COL18A1: variants seen among roughly 807,000 people sequenced by gnomAD.
The protein encoded by COL18A1 is collagen alpha-1(XVIII) chain.
COL18A1 carries 133 observed loss-of-function variants against 168.0 expected under a neutral mutation model. The ratio of observed to expected loss-of-function variants is 0.79; its 90% confidence interval spans 0.69 to 0.91. COL18A1 has a LOEUF of 0.91. Ranked by LOEUF, COL18A1 falls within the 40% of genes least tolerant of loss-of-function variation. The pLI, the probability that COL18A1 is intolerant of heterozygous loss-of-function variation, is 0.00. For missense variants in COL18A1, 2,126 were observed against 1,925.4 expected, an observed-to-expected ratio of 1.10 and a Z score of -1.95; for synonymous variants, 949 against 809.0, an observed-to-expected ratio of 1.17 and a Z score of -2.94.
At chr21:45,511,540 C>T (rs1358057305) in intron 41 of COL18A1, among the ~76,000 whole-genome samples, 1 of 152,066 alleles carries the variant, frequency 6.6e-6, no homozygotes, top group Non-Finnish European at 1.5e-5. Context: ...AGCAGCGCAG[C>T]GAGTTTATTC....
At position 45,490,784 on chromosome 21, in the gene COL18A1, CA is replaced by C. The variant is rs572995660; in HGVS notation, c.2032-51del. 1,863 of 1,534,970 alleles carry C rather than the reference CA, an allele frequency of 1.2e-3. 30 individuals carry two copies. The South Asian group carries it at 0.021, about 17-fold the overall frequency. ...ATCAGAGCCATCCCTCACGGGGGGC[CA>C]GGGGCTCCTGTTTCTGTTGGTGATG... On this transcript the variant is annotated intron_variant, in intron 20 of 41. Transcript: ENST00000651438.
intron 2 of COL18A1, chr21:45,456,751 C>T: frequency 6.5e-7 from 1 of 1,539,538 alleles, no homozygotes; most frequent in Non-Finnish European, 8.7e-7. Context: ...CCCCGCCACC[C>T]TGCTGCCAGT....
rs376055144 is a variant in COL18A1, at chr21:45,505,972, C to T, written c.3216+6C>T. 265 of 1,613,050 alleles carry T rather than the reference C, an allele frequency of 1.6e-4. No homozygotes were observed. The highest frequency in any genetic ancestry group is 1.9e-4 in the Non-Finnish European group (224 of 1,179,926). On this transcript the variant is annotated splice_donor_region_variant and intron_variant, in intron 37 of 41. Transcript: ENST00000651438. ...ACGGGTTCCGGAAGGTCCAGGTGAGCGCTCTGTGTGACGGGTTCTGGACCC... is the reference window on the plus strand; with the variant it reads ...ACGGGTTCCGGAAGGTCCAGGTGAGTGCTCTGTGTGACGGGTTCTGGACCC...
chr21:45,429,240 TGA>T (rs1034641632), intron 2 of COL18A1, among the ~76,000 whole-genome samples: 3 of 152,126 alleles, frequency 2.0e-5, no homozygotes, highest in Admixed American at 1.3e-4. Context: ...TGGAGGGATC[TGA>T]GAGTCTCTTT....
chr21:45,508,366 A>T (rs1384662347), intron 38 of COL18A1, among the ~76,000 whole-genome samples: 4 of 144,522 alleles, frequency 2.8e-5, no homozygotes, highest in Non-Finnish European at 4.5e-5. Context: ...GGGTGAGTGG[A>T]TGGGTGGATG....
intron 16 of COL18A1, among the ~76,000 whole-genome samples, 166 bp downstream of exon 16, chr21:45,487,158 T>C (rs1320061129): frequency 6.6e-6 from 1 of 152,184 alleles, no homozygotes. Context: ...CTCGAGTCTC[T>C]CGCCCGTCGC....
In COL18A1 at chr21:45,510,116, G is replaced by A. The variant is rs770331440; in HGVS notation, c.3548G>A (p.Arg1183His). The part of the protein sequence containing the change: ...SPLSGGMRGI[R>H]GADFQCFQQA... ...CTGTCAGGCGGCATGCGGGGCATCC[G>A]CGGGGCCGACTTCCAGTGCTTCCAG... Residue 1183 changes from arginine to histidine, a missense_variant, in exon 40 of 42, where the codon CGC becomes CAC. Physicochemically the swap from Arg to His is conservative, Grantham distance 29. Coordinates refer to ENST00000651438, the MANE Select transcript of COL18A1 (RefSeq NM_001379500.1). 24 of 1,596,768 alleles carry A rather than the reference G, an allele frequency of 1.5e-5. No individual in the cohort carries two copies. The highest frequency in any genetic ancestry group is 3.4e-5 in the Admixed American group (2 of 58,576).
Position 45,455,381 on chromosome 21 carries a change from C to A in COL18A1, c.107-12861C>A. On this transcript the variant is annotated intron_variant, in intron 2 of 41. Coordinates refer to ENST00000651438, the MANE Select transcript of COL18A1 (RefSeq NM_001379500.1). ...ACCTTGATTCCAAGGCTGGTGCCTT[C>A]TTTCCTTCTGCAAGAGTGGGGGGTG... The A allele has an allele frequency of 3.5e-6, 4 of 1,133,360 alleles. No homozygotes were observed. In the South Asian group the frequency reaches 4.2e-5, roughly 12 times the overall value. 70.2% of individuals were successfully genotyped at this position (1,133,360 alleles called of 1,614,324 possible). A position where few individuals can be genotyped will look rare whatever the true frequency, so the allele number is the denominator to read the frequency against.
intron 2 of COL18A1, among the ~76,000 whole-genome samples, chr21:45,451,531 C>G (rs2034622275): frequency 6.6e-6 from 1 of 152,238 alleles, no homozygotes. Context: ...TCCCCAGCTC[C>G]TCGCTGGCCT....
At chr21:45,445,142 C>T (rs1161650550) in intron 2 of COL18A1, among the ~76,000 whole-genome samples, 1 of 152,242 alleles carries the variant, frequency 6.6e-6, no homozygotes, top group Admixed American at 6.5e-5. Flanking sequence ...CCAGTCCTGG[C>T]CACCGGTCAT....
chr21:45,492,635 C>A, intron 23 of COL18A1, 52 bp from the exon 24 acceptor site: 3 of 1,610,548 alleles, frequency 1.9e-6, no homozygotes, highest in Non-Finnish European at 2.5e-6. Flanking sequence ...GGGGTCCGGG[C>A]AGGCGCGAGG....
Position 45,438,229 on chromosome 21 carries a change from GAC to G in COL18A1, c.107-30007_107-30006del, listed in dbSNP as rs1254133744. 5.1e-3 allele frequency among the ~76,000 whole-genome samples: 205 copies of G among 39,950 alleles called. 5 individuals are homozygous for G. Among genetic ancestry groups the G allele is most frequent in the Non-Finnish European group, 7.1e-3 (152 of 21,388 alleles). The allele number at this position is 39,950 out of a possible 152,430, so 26.2% of individuals were successfully genotyped here. A position where few individuals can be genotyped will look rare whatever the true frequency, so the allele number is the denominator to read the frequency against. On this transcript the variant is annotated intron_variant, in intron 2 of 41. Coordinates refer to ENST00000651438, the MANE Select transcript of COL18A1 (RefSeq NM_001379500.1). ...CTGCACACACACACTCACACACTCA[GAC>G]ACACAGGCACTCTCCTGCACACACA...
rs2035533614 is a variant in COL18A1, at chr21:45,473,808, C to A, written c.652-87C>A. On this transcript the variant is annotated intron_variant, in intron 3 of 41. Coordinates refer to ENST00000651438, the MANE Select transcript of COL18A1 (RefSeq NM_001379500.1). The surrounding 1 kb of genome is among the most constrained non-coding windows in gnomAD (Gnocchi z 4.0). ...CCGAGACTCTCCTGCCCTTTGTGGG[C>A]CCCCCGAAATCTGGAGCTCAAGCAG... 9.9e-6 allele frequency: 11 copies of A among 1,116,428 alleles called. No individual in the cohort carries two copies. Among genetic ancestry groups the A allele is most frequent in the Non-Finnish European group, 1.2e-5 (9 of 757,134 alleles). 69.2% of individuals were successfully genotyped at this position (1,116,428 alleles called of 1,614,324 possible).
rs2036642640 is a variant in COL18A1 at position 45,498,960 on chromosome 21, T to C, written c.2683+1299T>C. The stretch of plus-strand genomic sequence containing the variant: ...AGGTTTTGGTCGACGTGGGATTGCT[T>C]GTCCCTGGGAGCCAGAACGAGGGCT... On this transcript the variant is annotated intron_variant, in intron 32 of 41. Transcript: ENST00000651438. This position sits in a 1 kb window ranked among gnomAD's most constrained non-coding sequence, Gnocchi z 4.5. Among the ~76,000 whole-genome samples the C allele has an allele frequency of 6.6e-6, 1 of 152,162 alleles. No individual in the cohort carries two copies. Among genetic ancestry groups the C allele is most frequent in the Non-Finnish European group, 1.5e-5 (1 of 68,026 alleles).
intron 41 of COL18A1, among the ~76,000 whole-genome samples, chr21:45,511,479 G>A (rs1277323244): frequency 3.3e-5 from 5 of 152,244 alleles, no homozygotes; most frequent in South Asian, 4.1e-4. Context: ...TGCTCATGGC[G>A]GATAGACTCC....
chr21:45,455,400 G>C (rs1161448710), intron 2 of COL18A1: 6 of 1,296,442 alleles, frequency 4.6e-6, no homozygotes, highest in African/African-American at 2.9e-5. Flanking sequence ...TGCAAGAGTG[G>C]GGGGTGGAAG....
intron 36 of COL18A1, among the ~76,000 whole-genome samples, 194 bp from the exon 37 acceptor site, chr21:45,505,644 C>T (rs1018686900): frequency 3.9e-5 from 6 of 152,190 alleles, no homozygotes; most frequent in African/African-American, 1.4e-4. Flanking sequence ...AGGGCCTGTA[C>T]ATTGTCCACG....
chr21:45,429,669 G>A (rs1664926909), intron 2 of COL18A1, among the ~76,000 whole-genome samples: 1 of 152,180 alleles, frequency 6.6e-6, no homozygotes. Context: ...GGTGGAGCTG[G>A]GAGCCTGACT....
chr21:45,468,747 C>A lies in COL18A1; in HGVS notation c.612C>A (p.Phe204Leu). 1 of 1,589,838 alleles carries A rather than the reference C, an allele frequency of 6.3e-7. No homozygotes were observed. ...AGCTGGAGCCTGGCGCCGGGCTCTT[C>A]GTGGCTCAGGCGGGGGGAGCGGACC... The part of the protein sequence containing the change: ...GLELEPGAGL[F>L]VAQAGGADPD... The change falls in exon 3 of 42, where the codon TTC becomes TTA. Residue 204 changes from phenylalanine (F) to leucine (L), a missense_variant. Physicochemically the swap from Phe to Leu is conservative, Grantham distance 22 (BLOSUM62 0). Coordinates refer to ENST00000651438, the MANE Select transcript of COL18A1 (RefSeq NM_001379500.1).
Sources: gnomAD v4.1 joint callset for allele counts (sites outside exome capture counted in the v4.1 genomes callset) on GRCh38, gnomAD v4.1.1 for gene constraint, Gnocchi (gnomAD v3.1) non-coding constraint, MANE v1.5 for transcripts, NCBI Gene and HGNC (gene_info 2026-07-23, HGNC 2026-07-21) for gene names.